Variants in ADGRL3 observed in about 807,000 individuals in gnomAD.
ADGRL3 encodes calcium-independent alpha-latrotoxin receptor 3.
A neutral mutation model predicts 153.5 loss-of-function variants in ADGRL3; 62 were observed. The ratio of observed to expected loss-of-function variants is 0.40; its 90% confidence interval spans 0.33 to 0.50. The LOEUF (loss-of-function observed/expected upper bound fraction) is 0.50. Ranked by LOEUF, ADGRL3 falls within the 20% of genes least tolerant of loss-of-function variation. The pLI is 0.47. For synonymous variants in ADGRL3, 710 were observed against 672.5 expected, an observed-to-expected ratio of 1.06 and a Z score of -0.86; for missense variants, 1,641 against 1,859.4, an observed-to-expected ratio of 0.88 and a Z score of 2.16.
intron 5 of ADGRL3, among the ~76,000 whole-genome samples, chr4:61,600,703 C>G (rs1443114199): frequency 6.6e-6 from 1 of 152,126 alleles, no homozygotes; most frequent in Non-Finnish European, 1.5e-5. Flanking sequence ...ATTATTGAAT[C>G]AGAGGTGTCA....
At chr4:61,504,599 T>C (rs1394026504) in intron 3 of ADGRL3, among the ~76,000 whole-genome samples, 2 of 152,192 alleles carry the variant, frequency 1.3e-5, no homozygotes, top group Non-Finnish European at 2.9e-5. Context: ...TAGATCTTAT[T>C]CCCTCTACCT....
chr4:61,624,525 AG>A (rs1295262683), intron 5 of ADGRL3, among the ~76,000 whole-genome samples: 1 of 152,134 alleles, frequency 6.6e-6, no homozygotes, highest in Non-Finnish European at 1.5e-5. Flanking sequence ...CTTCCCAACC[AG>A]GGTTCCTTGA....
intron 9 of ADGRL3, among the ~76,000 whole-genome samples, chr4:61,887,697 T>A (rs1437587601): frequency 6.6e-6 from 1 of 151,938 alleles, no homozygotes; most frequent in East Asian, 1.9e-4. Flanking sequence ...ATACAAAAAT[T>A]AGCTGGGCAT....
chr4:61,214,015 C>T (rs1047459478), intron 1 of ADGRL3, among the ~76,000 whole-genome samples: 18 of 152,104 alleles, frequency 1.2e-4, no homozygotes, highest in African/African-American at 4.1e-4. Context: ...GAATTGTTAA[C>T]TCTCAGTTGT....
chr4:61,566,926 A>T (rs1313780941), intron 4 of ADGRL3, among the ~76,000 whole-genome samples: 1 of 152,200 alleles, frequency 6.6e-6, no homozygotes, highest in Non-Finnish European at 1.5e-5. Flanking sequence ...ATATTGTCTC[A>T]TCAATTACCC....
chr4:61,787,371 A>G (rs71608805), intron 8 of ADGRL3, among the ~76,000 whole-genome samples: 8,474 of 152,050 alleles, frequency 0.056, 326 homozygotes, highest in Non-Finnish European at 0.084. Context: ...TTTTTTTAAA[A>G]AAAAAGCATA....
intron 9 of ADGRL3, among the ~76,000 whole-genome samples, chr4:61,819,909 A>G (rs2097731867): frequency 6.6e-6 from 1 of 152,128 alleles, no homozygotes; most frequent in African/African-American, 2.4e-5. Flanking sequence ...TTATATACAT[A>G]TATAAAATCA....
At chr4:61,804,019 G>T (rs1288803764) in intron 8 of ADGRL3, among the ~76,000 whole-genome samples, 1 of 152,046 alleles carries the variant, frequency 6.6e-6, no homozygotes, top group Non-Finnish European at 1.5e-5. Context: ...CAATTTCTCA[G>T]GTGACAGCAT....
At chr4:61,804,742 T>C (rs2097534951) in intron 8 of ADGRL3, among the ~76,000 whole-genome samples, 2 of 152,142 alleles carry the variant, frequency 1.3e-5, no homozygotes, top group Admixed American at 1.3e-4. Flanking sequence ...TTGAGAGTAA[T>C]ACATGATAAA....
rs1379772050 is a variant in ADGRL3, at chr4:62,077,135, G to A, written c.*6227G>A. On this transcript the variant is annotated 3_prime_UTR_variant, in exon 27 of 27. Coordinates refer to ENST00000683033, the MANE Select transcript of ADGRL3 (RefSeq NM_001387552.1). ...CTCCATAATCCAAATGCATCTAAAA[G>A]TATTCCAAATGCGCCTTTCATTCTA... is the stretch of plus-strand genomic sequence containing the variant. The A allele has an allele frequency of 1.3e-5, 2 of 151,898 alleles. No individual in the cohort carries two copies. Among genetic ancestry groups the A allele is most frequent in the Admixed American group, 6.6e-5 (1 of 15,222 alleles). The allele number at this position is 151,898 out of a possible 1,614,324, so 9.4% of individuals were successfully genotyped here.
intron 6 of ADGRL3, among the ~76,000 whole-genome samples, chr4:61,690,804 G>A (rs1019789315): frequency 1.3e-5 from 2 of 152,088 alleles, no homozygotes; most frequent in Admixed American, 6.6e-5. Flanking sequence ...TTTAATGGCA[G>A]TGTTTGGTCT....
Position 61,665,032 on chromosome 4 carries a change from A to G in ADGRL3, c.474-11794A>G, listed in dbSNP as rs928883956. 5.9e-5 allele frequency among the ~76,000 whole-genome samples: 9 copies of G among 152,188 alleles called. No homozygotes were observed. The East Asian group carries it at 9.7e-4, about 16-fold the overall frequency. ...TTATTTTAGGCATAAATATGTTGTC[A>G]TGCCATAGGCAGTGACTCATGTGGC... On this transcript the variant is annotated intron_variant, in intron 5 of 26. Transcript: ENST00000683033.
At chr4:61,326,380 T>C (rs2095465157) in intron 1 of ADGRL3, among the ~76,000 whole-genome samples, 1 of 152,108 alleles carries the variant, frequency 6.6e-6, no homozygotes, top group Non-Finnish European at 1.5e-5. Flanking sequence ...TAAAAAAGTT[T>C]ATAATCGTAA....
chr4:61,425,160 C>T (rs1356605906), intron 2 of ADGRL3, among the ~76,000 whole-genome samples: 1 of 152,172 alleles, frequency 6.6e-6, no homozygotes, highest in Non-Finnish European at 1.5e-5. Flanking sequence ...CATGTTGACA[C>T]CATCCCATTG....
intron 21 of ADGRL3, among the ~76,000 whole-genome samples, chr4:61,998,697 TC>T (rs2099130256): frequency 6.6e-6 from 1 of 151,766 alleles, no homozygotes; most frequent in South Asian, 2.1e-4. Flanking sequence ...TGCCCCAGCC[TC>T]CCGATTAGCT....
At chr4:61,335,861 CTT>C (rs2095663821) in intron 1 of ADGRL3, among the ~76,000 whole-genome samples, 1 of 152,034 alleles carries the variant, frequency 6.6e-6, no homozygotes, top group South Asian at 2.1e-4. Context: ...GCTTAAGTGA[CTT>C]TTGTTTTGAA....
At chr4:61,630,463 T>C (rs558317068) in intron 5 of ADGRL3, among the ~76,000 whole-genome samples, 1 of 152,352 alleles carries the variant, frequency 6.6e-6, no homozygotes, top group Admixed American at 6.5e-5. Flanking sequence ...ACTGTAAAGA[T>C]ATCAAGGAGT....
intron 1 of ADGRL3, among the ~76,000 whole-genome samples, chr4:61,325,059 A>T (rs2095438035): frequency 6.6e-6 from 1 of 152,148 alleles, no homozygotes; most frequent in Non-Finnish European, 1.5e-5. Context: ...CATGCCTATA[A>T]TCCTAGCACT....
intron 9 of ADGRL3, among the ~76,000 whole-genome samples, chr4:61,853,462 C>T (rs768811765): frequency 1.3e-5 from 2 of 152,126 alleles, no homozygotes; most frequent in African/African-American, 2.4e-5. Context: ...CCATCAGTTG[C>T]TAATTGTTTT....
Sources: gnomAD v4.1 joint callset for allele counts (sites outside exome capture counted in the v4.1 genomes callset) on GRCh38, gnomAD v4.1.1 for gene constraint, MANE v1.5 for transcripts, NCBI Gene and HGNC (gene_info 2026-07-23, HGNC 2026-07-21) for gene names.